The following SORCS3 variants were observed in gnomAD, a reference collection of about 807,000 sequenced individuals.
The protein encoded by SORCS3 is sortilin related VPS10 domain containing receptor 3, also known as VPS10 domain-containing receptor SorCS3.
In SORCS3, 57 loss-of-function variants were observed where a neutral mutation model predicts 146.3. The ratio of observed to expected loss-of-function variants is 0.39; its 90% CI spans 0.31 to 0.49. The LOEUF (loss-of-function observed/expected upper bound fraction) is 0.49. Ranked by LOEUF, SORCS3 falls within the 20% of genes least tolerant of loss-of-function variation. The probability of loss-of-function intolerance (pLI) is 0.92; values close to 1 mark genes in which losing one functional copy is unlikely to be tolerated. For missense variants in SORCS3, 1,341 were observed against 1,575.5 expected (o/e 0.85, Z 2.52); for synonymous variants, 653 against 618.5 (o/e 1.06, Z -0.83).
intron 1 of SORCS3, among the ~76,000 whole-genome samples, chr10:104,822,507 G>A (rs2017885683): frequency 6.6e-6 from 1 of 152,128 alleles, no homozygotes; most frequent in African/African-American, 2.4e-5. Context: ...ACATGAGAGA[G>A]GGCTCTTAAT....
intron 2 of SORCS3, among the ~76,000 whole-genome samples, chr10:104,846,464 ATCT>A (rs2018206262): frequency 1.3e-5 from 2 of 152,188 alleles, no homozygotes; most frequent in African/African-American, 2.4e-5. Context: ...GAATTCAGTG[ATCT>A]TCTTCAGTGT....
At chr10:104,669,186 A>G (rs1198594413) in intron 1 of SORCS3, among the ~76,000 whole-genome samples, 1 of 152,240 alleles carries the variant, frequency 6.6e-6, no homozygotes, top group Non-Finnish European at 1.5e-5. Context: ...TGTATAATAT[A>G]CATGTACTAG....
intron 1 of SORCS3, among the ~76,000 whole-genome samples, chr10:104,741,704 T>TGTTTTG (rs2016845721): frequency 1.5e-5 from 1 of 68,580 alleles, no homozygotes; most frequent in East Asian, 3.7e-4. Context: ...TTCTGGGTTT[T>TGTTTTG]TTTTTTTTTT....
intron 1 of SORCS3, among the ~76,000 whole-genome samples, chr10:104,695,004 T>G (rs755712812): frequency 6.6e-6 from 1 of 152,174 alleles, no homozygotes; most frequent in Non-Finnish European, 1.5e-5. Context: ...GCAGTCATGA[T>G]CAGGGCTCGA....
At position 104,872,152 on chromosome 10, in the gene SORCS3, C is replaced by T. The variant is rs2018525187; in HGVS notation, c.695+29293C>T. Among the ~76,000 whole-genome samples the T allele has an allele frequency of 4.6e-5, 7 of 152,258 alleles. No individual in the cohort carries two copies. In the South Asian group the frequency reaches 1.2e-3, roughly 27 times the overall value. On this transcript the variant is annotated intron_variant, in intron 2 of 26. Transcript: ENST00000369701. Reference sequence around the variant, plus strand: ...TGTAATATAAATATGATAATAGCTGCCACATGAAACTTACAATGTACCATG... The same window carrying T: ...TGTAATATAAATATGATAATAGCTGTCACATGAAACTTACAATGTACCATG...
chr10:104,858,499 G>T (rs1374103767), intron 2 of SORCS3, among the ~76,000 whole-genome samples: 1 of 152,142 alleles, frequency 6.6e-6, no homozygotes, highest in Non-Finnish European at 1.5e-5. Context: ...ATGTTCTGGT[G>T]CATATCTCGA....
At chr10:104,982,529 A>G (rs925052354) in intron 4 of SORCS3, among the ~76,000 whole-genome samples, 1 of 152,166 alleles carries the variant, frequency 6.6e-6, no homozygotes, top group Non-Finnish European at 1.5e-5. Flanking sequence ...TTTTCCTCTG[A>G]GGAATATGAG....
chr10:105,059,339 G>A (rs780845377), intron 5 of SORCS3, among the ~76,000 whole-genome samples: 5 of 152,110 alleles, frequency 3.3e-5, no homozygotes, highest in South Asian at 2.1e-4. Flanking sequence ...ATATACTTCC[G>A]TGTGCTTTGC....
At chr10:104,773,442 A>T (rs1479098412) in intron 1 of SORCS3, among the ~76,000 whole-genome samples, 1 of 152,206 alleles carries the variant, frequency 6.6e-6, no homozygotes, top group Non-Finnish European at 1.5e-5. Flanking sequence ...AGTTGCTAGA[A>T]ATTGGCCATG....
chr10:105,073,018 A>C (rs1337467470), intron 5 of SORCS3, among the ~76,000 whole-genome samples: 2 of 152,176 alleles, frequency 1.3e-5, no homozygotes, highest in Non-Finnish European at 2.9e-5. Context: ...GGTTGGAAGC[A>C]TGTCAAGGTC....
intron 7 of SORCS3, among the ~76,000 whole-genome samples, chr10:105,123,161 C>T (rs771546954): frequency 3.3e-5 from 5 of 152,184 alleles, no homozygotes; most frequent in Non-Finnish European, 5.9e-5. Context: ...GGTGAGGGGC[C>T]GTATGAGCTT....
At chr10:104,807,620 T>G (rs1239151650) in intron 1 of SORCS3, among the ~76,000 whole-genome samples, 1 of 152,170 alleles carries the variant, frequency 6.6e-6, no homozygotes, top group African/African-American at 2.4e-5. Flanking sequence ...GCAGCATCCA[T>G]TCTCCAAGTG....
chr10:105,013,886 A>C (rs796306674), intron 4 of SORCS3, among the ~76,000 whole-genome samples: 5 of 152,060 alleles, frequency 3.3e-5, no homozygotes, highest in African/African-American at 1.2e-4. Context: ...GAAGAGGAAT[A>C]AAGGGTGTGT....
intron 16 of SORCS3, among the ~76,000 whole-genome samples, chr10:105,210,110 G>T (rs1201729389): frequency 6.6e-6 from 1 of 151,968 alleles, no homozygotes; most frequent in Non-Finnish European, 1.5e-5. Context: ...CATTCCTGTT[G>T]TAGATATACA....
intron 4 of SORCS3, among the ~76,000 whole-genome samples, chr10:104,978,169 C>G (rs913063255): frequency 6.6e-6 from 1 of 152,174 alleles, no homozygotes; most frequent in Admixed American, 6.5e-5. Context: ...TTCAAACCCT[C>G]CAAGCTAGAA....
rs144756331 is a variant in SORCS3 at position 104,887,415 on chromosome 10, A to T, written c.696-28418A>T. 2.4e-3 allele frequency among the ~76,000 whole-genome samples: 363 copies of T among 152,306 alleles called. 1 individual carries two copies. Among genetic ancestry groups the T allele is most frequent in the Non-Finnish European group, 3.4e-3 (232 of 68,014 alleles). The stretch of plus-strand genomic sequence containing the variant: ...CCTGGAGTCATTCAGTATTGCTGGC[A>T]TGGAGTGGGAGTGCATAAGAATAAC... On this transcript the variant is annotated intron_variant, in intron 2 of 26. Coordinates refer to ENST00000369701, the MANE Select transcript of SORCS3 (RefSeq NM_014978.3).
chr10:105,020,954 A>G (rs779667095), intron 4 of SORCS3, among the ~76,000 whole-genome samples: 2 of 152,226 alleles, frequency 1.3e-5, no homozygotes, highest in Non-Finnish European at 2.9e-5. Flanking sequence ...AATTATTGCA[A>G]GCATCACCCT....
At chr10:105,002,514 G>C (rs551112530) in intron 4 of SORCS3, among the ~76,000 whole-genome samples, 2 of 152,276 alleles carry the variant, frequency 1.3e-5, no homozygotes, top group South Asian at 4.1e-4. Context: ...GTAGTGAAGA[G>C]GTGAGCTGTT....
chr10:104,687,490 C>G (rs1160215954), intron 1 of SORCS3, among the ~76,000 whole-genome samples: 1 of 152,144 alleles, frequency 6.6e-6, no homozygotes, highest in African/African-American at 2.4e-5. Context: ...GAGGCCACCC[C>G]AAACATAAAT....
Sources: gnomAD v4.1 joint callset for allele counts (sites outside exome capture counted in the v4.1 genomes callset) on GRCh38, gnomAD v4.1.1 for gene constraint, MANE v1.5 for transcripts, NCBI Gene and HGNC (gene_info 2026-07-23, HGNC 2026-07-21) for gene names.